The following SCMH1 variants were observed in gnomAD, a reference collection of about 807,000 sequenced individuals.
SCMH1 encodes Scm polycomb group protein homolog 1, also known as polycomb protein SCMH1.
A neutral mutation model predicts 70.8 loss-of-function variants in SCMH1; 37 were observed. That is an observed-to-expected ratio of 0.52 (90% confidence interval 0.40 to 0.69). The LOEUF (loss-of-function observed/expected upper bound fraction) is 0.69. SCMH1 is among the 30% of genes least tolerant of loss of function. The probability of loss-of-function intolerance (pLI) is 0.00; values close to 1 mark genes in which losing one functional copy is unlikely to be tolerated. For missense variants in SCMH1, 607 were observed against 827.3 expected (o/e 0.73, Z 3.27); for synonymous variants, 292 against 307.4 (o/e 0.95, Z 0.52).
Position 41,070,837 on chromosome 1 carries a change from A to G in SCMH1, c.979-116T>C. ...ATATTTATGGATGGAATAGTGTTTT[A>G]TCTTTGTTCTCTACACAGCATCTGG... On this transcript the variant is annotated intron_variant, in intron 9 of 14. Transcript: ENST00000337495. 4 of 1,266,120 alleles carry G rather than the reference A, an allele frequency of 3.2e-6. No homozygotes were observed. In the South Asian group the frequency reaches 5.8e-5, roughly 18 times the overall value. The allele number at this position is 1,266,120 out of a possible 1,614,324, so 78.4% of individuals were successfully genotyped here. A position where few individuals can be genotyped will look rare whatever the true frequency, so the allele number is the denominator to read the frequency against.
chr1:41,053,915 G>C (rs1237396316), intron 10 of SCMH1, among the ~76,000 whole-genome samples: 2 of 151,956 alleles, frequency 1.3e-5, no homozygotes, highest in Non-Finnish European at 2.9e-5. Context: ...CGTGATCTCG[G>C]CTCACTGCAA....
chr1:41,239,703 T>A (rs1312253636), intron 1 of SCMH1, among the ~76,000 whole-genome samples: 2 of 152,094 alleles, frequency 1.3e-5, no homozygotes, highest in Non-Finnish European at 2.9e-5. Context: ...TGATCATGGC[T>A]CACTGAAGCC....
intron 1 of SCMH1, among the ~76,000 whole-genome samples, chr1:41,213,177 C>T (rs1657404484): frequency 6.6e-6 from 1 of 152,068 alleles, no homozygotes; most frequent in South Asian, 2.1e-4. Context: ...CATTCCCAGC[C>T]TCCAAATTAG....
chr1:41,208,861 C>T (rs1166869195), intron 1 of SCMH1, among the ~76,000 whole-genome samples: 1 of 151,826 alleles, frequency 6.6e-6, no homozygotes, highest in Non-Finnish European at 1.5e-5. Flanking sequence ...TAGCGGAAGG[C>T]AAGAAATAAA....
At chr1:41,062,401 C>A (rs750756334) in intron 10 of SCMH1, among the ~76,000 whole-genome samples, 3 of 151,144 alleles carry the variant, frequency 2.0e-5, no homozygotes, top group African/African-American at 7.3e-5. Flanking sequence ...GTAAGGAGTT[C>A]GAATCCAGCC....
rs995498633 is a variant in SCMH1, at chr1:41,093,900, C to T, written c.746-18449G>A. 9.8e-5 allele frequency among the ~76,000 whole-genome samples: 15 copies of T among 152,318 alleles called. No homozygotes were observed. The South Asian group carries it at 2.5e-3, about 25-fold the overall frequency. ...GCTAACAAATGCTATTAGCTGTTTT[C>T]TCTAAAGTGACAGGCTCACTTAGTT... On this transcript the variant is annotated intron_variant, in intron 8 of 14. Coordinates refer to ENST00000337495, the Ensembl canonical transcript of SCMH1.
intron 2 of SCMH1, among the ~76,000 whole-genome samples, chr1:41,180,726 T>C (rs913128669): frequency 1.3e-5 from 2 of 152,210 alleles, no homozygotes; most frequent in Admixed American, 6.5e-5. Flanking sequence ...GAACATTCCA[T>C]GCTCATGGGT....
At chr1:41,150,764 G>A (rs984838756) in intron 5 of SCMH1, among the ~76,000 whole-genome samples, 1 of 150,026 alleles carries the variant, frequency 6.7e-6, no homozygotes, top group Non-Finnish European at 1.5e-5. Flanking sequence ...GTGAAACCCC[G>A]TCTCTATTAA....
chr1:41,128,606 G>A (rs1299889457), intron 6 of SCMH1, among the ~76,000 whole-genome samples: 1 of 152,012 alleles, frequency 6.6e-6, no homozygotes, highest in Non-Finnish European at 1.5e-5. Flanking sequence ...TGGGTTTTCA[G>A]CAATTTGATG....
intron 2 of SCMH1, among the ~76,000 whole-genome samples, chr1:41,175,083 G>A (rs371536805): frequency 4.5e-4 from 68 of 152,318 alleles, no homozygotes; most frequent in South Asian, 3.1e-3. Flanking sequence ...GCTAAGGGAC[G>A]CCCAAATAGC....
chr1:41,048,385 T>C (rs777054956), intron 11 of SCMH1, among the ~76,000 whole-genome samples: 5 of 152,182 alleles, frequency 3.3e-5, no homozygotes, highest in Non-Finnish European at 5.9e-5. Context: ...ACCCTCCTGC[T>C]GCCACAACAT....
rs145814191 is a variant in SCMH1 at position 41,146,408 on chromosome 1, C to G, written c.178-3296G>C. On this transcript the variant is annotated intron_variant, in intron 5 of 14. Transcript: ENST00000337495. ...AATTTAGTGTAGCCTGGGTGTACAGCGTTTATAACGTTGACAGTGGTACGC... is the reference window on the plus strand; with the variant it reads ...AATTTAGTGTAGCCTGGGTGTACAGGGTTTATAACGTTGACAGTGGTACGC... Among the ~76,000 whole-genome samples the G allele has an allele frequency of 5.4e-3, 815 of 152,102 alleles. 3 individuals carry two copies. The highest frequency in any genetic ancestry group is 0.018 in the African/African-American group (752 of 41,472).
At chr1:41,185,359 G>A (rs140678446) in intron 2 of SCMH1, among the ~76,000 whole-genome samples, 2 of 152,222 alleles carry the variant, frequency 1.3e-5, no homozygotes, top group African/African-American at 4.8e-5. Flanking sequence ...CTACTCTTCC[G>A]TATTCTTTGT....
intron 1 of SCMH1, among the ~76,000 whole-genome samples, chr1:41,239,244 CTGTT>C (rs1359291268): frequency 2.6e-5 from 4 of 152,212 alleles, no homozygotes; most frequent in Non-Finnish European, 4.4e-5. Context: ...CAGTCCCAAA[CTGTT>C]TGTGGTTCTC....
chr1:41,084,533 G>T (rs1019537759), intron 8 of SCMH1, among the ~76,000 whole-genome samples: 115 of 152,128 alleles, frequency 7.6e-4, no homozygotes, highest in African/African-American at 2.1e-3. Flanking sequence ...TTGGTGGTAC[G>T]GTAAACTAGT....
At chr1:41,170,511 G>C (rs575933275) in intron 2 of SCMH1, among the ~76,000 whole-genome samples, 1 of 152,166 alleles carries the variant, frequency 6.6e-6, no homozygotes, top group Non-Finnish European at 1.5e-5. Flanking sequence ...GGTGGAGGGA[G>C]AGTCAGGAGT....
chr1:41,125,254 C>T (rs758192792), intron 6 of SCMH1, among the ~76,000 whole-genome samples: 4 of 151,742 alleles, frequency 2.6e-5, no homozygotes, highest in African/African-American at 4.9e-5. Flanking sequence ...TTTGCTTTGT[C>T]CCCCAGGCTG....
intron 6 of SCMH1, among the ~76,000 whole-genome samples, chr1:41,124,343 G>A (rs1446310236): frequency 6.6e-6 from 1 of 152,028 alleles, no homozygotes; most frequent in Non-Finnish European, 1.5e-5. Flanking sequence ...ATTCTCATTT[G>A]TCCCTAAAAT....
chr1:41,235,679 A>G (rs903637153), intron 1 of SCMH1, among the ~76,000 whole-genome samples: 1 of 151,332 alleles, frequency 6.6e-6, no homozygotes, highest in African/African-American at 2.4e-5. Context: ...ATATTTACTT[A>G]TTCAATTTAA....
Sources: gnomAD v4.1 joint callset for allele counts (sites outside exome capture counted in the v4.1 genomes callset) on GRCh38, gnomAD v4.1.1 for gene constraint, MANE v1.5 for transcripts, NCBI Gene and HGNC (gene_info 2026-07-23, HGNC 2026-07-21) for gene names.